SCRG1: variants seen among roughly 807,000 people sequenced by gnomAD.
SCRG1 encodes the protein stimulator of chondrogenesis 1.
SCRG1 carries 3 observed loss-of-function variants against 7.7 expected under a neutral mutation model. The observed-to-expected ratio is 0.39, with a 90% CI of 0.18 to 1.01. The LOEUF (loss-of-function observed/expected upper bound fraction) is 1.01, where lower values mean the gene tolerates loss of function less well. Ranked by LOEUF, SCRG1 falls within the 50% of genes least tolerant of loss-of-function variation. The pLI is 0.36. For synonymous variants in SCRG1, 46 were observed against 41.2 expected (o/e 1.12, Z -0.44); for missense variants, 110 against 117.2 (o/e 0.94, Z 0.28).
the SCRG1 span, among the ~76,000 whole-genome samples, chr4:173,476,826 A>G: frequency 6.6e-6 from 1 of 152,136 alleles, no homozygotes; most frequent in Admixed American, 6.6e-5. Context: ...ATCTCTAAAA[A>G]AGAAAAAAAT....
the SCRG1 span, among the ~76,000 whole-genome samples, chr4:173,465,642 A>G: frequency 0.51 from 76,838 of 151,002 alleles, 21,465 homozygotes; most frequent in East Asian, 0.64. Context: ...ACATATATAT[A>G]TTTTTTGTAT....
In SCRG1 at chr4:173,387,255, C is replaced by T. The variant is rs1005344714; in HGVS notation, c.*1086G>A. 2 of 152,096 alleles carry T rather than the reference C, an allele frequency of 1.3e-5. No individual in the cohort carries two copies. The highest frequency in any genetic ancestry group is 2.9e-5 in the Non-Finnish European group (2 of 68,018). The allele number at this position is 152,096 out of a possible 1,614,324, so 9.4% of individuals were successfully genotyped here. A position where few individuals can be genotyped will look rare whatever the true frequency, so the allele number is the denominator to read the frequency against. ...AGCAAATATCTTAAACTTGAGTTAGCAGCTGAAAAATGGGGCTGAGAATAT... is the reference window on the plus strand; with the variant it reads ...AGCAAATATCTTAAACTTGAGTTAGTAGCTGAAAAATGGGGCTGAGAATAT... On this transcript the variant is annotated 3_prime_UTR_variant, in exon 3 of 3. Coordinates refer to ENST00000296506, the MANE Select transcript of SCRG1 (RefSeq NM_007281.4).
the SCRG1 span, chr4:173,467,952 G>A: frequency 6.6e-6 from 1 of 152,534 alleles, no homozygotes; most frequent in Non-Finnish European, 1.5e-5. Flanking sequence ...AAAAATATCA[G>A]TAAAATAATG....
chr4:173,448,144 G>A, the SCRG1 span, among the ~76,000 whole-genome samples: 2 of 152,140 alleles, frequency 1.3e-5, no homozygotes, highest in Non-Finnish European at 2.9e-5. Context: ...AACCCATCAG[G>A]ATGGGGGGTC....
chr4:173,470,406 GT>G, the SCRG1 span, among the ~76,000 whole-genome samples: 4 of 152,240 alleles, frequency 2.6e-5, no homozygotes, highest in Admixed American at 2.0e-4. Flanking sequence ...CGGCTCACAG[GT>G]AACTGAGTGT....
At chr4:173,439,472 A>G in the SCRG1 span, among the ~76,000 whole-genome samples, 17 of 151,318 alleles carry the variant, frequency 1.1e-4, no homozygotes, top group East Asian at 2.4e-3. Flanking sequence ...CCTTGATTGT[A>G]CCACTGCACT....
chr4:173,422,789 C>T, the SCRG1 span, among the ~76,000 whole-genome samples: 3 of 152,084 alleles, frequency 2.0e-5, no homozygotes, highest in East Asian at 5.8e-4. Context: ...ATATATGATA[C>T]CAATCATTAT....
the SCRG1 span, among the ~76,000 whole-genome samples, chr4:173,485,000 TATAA>T: frequency 2.9e-4 from 4 of 13,944 alleles, no homozygotes; most frequent in African/African-American, 6.5e-4. Context: ...TATAATATAT[TATAA>T]ATATAATATA....
the SCRG1 span, among the ~76,000 whole-genome samples, chr4:173,497,307 T>C: frequency 6.6e-6 from 1 of 152,098 alleles, no homozygotes; most frequent in South Asian, 2.1e-4. Context: ...AGCTGGCCCA[T>C]TCCCACACTG....
chr4:173,412,421 CA>C, the SCRG1 span, among the ~76,000 whole-genome samples: 1 of 152,202 alleles, frequency 6.6e-6, no homozygotes, highest in Non-Finnish European at 1.5e-5. Flanking sequence ...TTTCTCACCT[CA>C]ATAAAATGGC....
intron 2 of SCRG1, 122 bp downstream of exon 2, chr4:173,391,051 G>A: frequency 2.1e-6 from 2 of 955,382 alleles, no homozygotes; most frequent in Non-Finnish European, 3.2e-6. Flanking sequence ...GAAAAGAGCT[G>A]GGATTGGAAC....
the SCRG1 span, among the ~76,000 whole-genome samples, chr4:173,491,084 T>C: frequency 2.0e-5 from 3 of 152,310 alleles, no homozygotes; most frequent in Admixed American, 2.0e-4. Context: ...ACAGCTGACA[T>C]TTTTAATCTG....
At chr4:173,407,306 C>A (rs2126925691), upstream of SCRG1, among the ~76,000 whole-genome samples, 1 of 151,816 alleles carries the variant, frequency 6.6e-6, no homozygotes, top group South Asian at 2.1e-4. Context: ...CACCTGAGGT[C>A]AGGAGTTTGA....
At chr4:173,484,128 T>TATAATATAC in the SCRG1 span, among the ~76,000 whole-genome samples, 10 of 80,402 alleles carry the variant, frequency 1.2e-4, no homozygotes, top group African/African-American at 1.6e-4. Flanking sequence ...ATACAATATA[T>TATAATATAC]AATATATAAT....
the SCRG1 span, among the ~76,000 whole-genome samples, chr4:173,433,655 AG>A: frequency 6.6e-6 from 1 of 152,212 alleles, no homozygotes; most frequent in Non-Finnish European, 1.5e-5. Context: ...TGCTGTTTCT[AG>A]GTGTCACCCT....
intron 1 of SCRG1, among the ~76,000 whole-genome samples, chr4:173,396,121 G>A (rs1739595657): frequency 6.6e-6 from 1 of 152,158 alleles, no homozygotes; most frequent in Non-Finnish European, 1.5e-5. Flanking sequence ...GATGACTCTT[G>A]GGCTTTTGGC....
chr4:173,460,253 G>A, the SCRG1 span, among the ~76,000 whole-genome samples: 1 of 152,134 alleles, frequency 6.6e-6, no homozygotes, highest in Non-Finnish European at 1.5e-5. Context: ...CCCACCCCAG[G>A]CAGCAGTGAG....
chr4:173,504,937 T>C, the SCRG1 span, among the ~76,000 whole-genome samples: 1 of 152,202 alleles, frequency 6.6e-6, no homozygotes, highest in African/African-American at 2.4e-5. This position sits in a 1 kb window ranked among gnomAD's most constrained non-coding sequence, Gnocchi z 4.7. Context: ...CAGTGCCACT[T>C]TCTGAATTTT....
the SCRG1 span, among the ~76,000 whole-genome samples, chr4:173,414,533 A>G: frequency 2.6e-5 from 4 of 152,272 alleles, no homozygotes; most frequent in South Asian, 4.1e-4. Context: ...AAGGAGTTGG[A>G]AAGGAAAGGT....
Sources: allele counts gnomAD v4.1 joint callset (sites outside exome capture counted in the v4.1 genomes callset), GRCh38; gene constraint gnomAD v4.1.1; non-coding constraint Gnocchi (gnomAD v3.1); transcripts MANE v1.5; gene names NCBI Gene and HGNC (gene_info 2026-07-23, HGNC 2026-07-21).